ARF4: variants seen among roughly 807,000 people sequenced by gnomAD.
ARF4 encodes ARF GTPase 4.
A neutral mutation model predicts 24.3 loss-of-function variants in ARF4; 5 were observed. That is an observed-to-expected ratio of 0.21 (90% CI 0.11 to 0.43). ARF4 has a LOEUF of 0.43. Ranked by LOEUF, ARF4 falls within the 20% of genes least tolerant of loss-of-function variation. The pLI, the probability that ARF4 is intolerant of heterozygous loss-of-function variation, is 1.00. For missense variants in ARF4, 107 were observed against 213.0 expected (o/e 0.50, Z 3.10); for synonymous variants, 62 against 73.5 (o/e 0.84, Z 0.80).
rs1575784499 is a variant in ARF4, at chr3:57,584,006, A to G, written c.150T>C (p.Gly50=). The change falls in exon 3 of 6, where the codon GGT becomes GGC. Residue 50 remains glycine, a splice_region_variant and synonymous_variant. Transcript: ENST00000303436. ...GEIVTTIPTI[G]FNVETVEYKN... is the part of the protein sequence containing the mutation. ...TATATTCTACTGTTTCCACATTAAA[A>G]CCTACAAAGAAAAACAAAAATGACC... 1.2e-6 allele frequency: 2 copies of G among 1,601,544 alleles called. No individual in the cohort carries two copies. Among genetic ancestry groups the G allele is most frequent in the East Asian group, 4.5e-5 (2 of 44,792 alleles).
chr3:57,581,884 G>T (rs1193745659), intron 3 of ARF4, among the ~76,000 whole-genome samples: 1 of 152,180 alleles, frequency 6.6e-6, no homozygotes, highest in Non-Finnish European at 1.5e-5. Flanking sequence ...AACTGAAGCT[G>T]CATAATACAT....
At chr3:57,577,187 CTTAAGT>C (rs2069916438) in intron 4 of ARF4, 123 bp downstream of exon 4, 1 of 759,206 alleles carries the variant, frequency 1.3e-6, no homozygotes, top group Non-Finnish European at 2.2e-6. Flanking sequence ...AATATAGTTT[CTTAAGT>C]TTATTTCTAG....
chr3:57,576,504 C>CTTTTT (rs376750506), intron 4 of ARF4, among the ~76,000 whole-genome samples: 26 of 101,592 alleles, frequency 2.6e-4, no homozygotes, highest in African/African-American at 5.6e-4. Context: ...CTCAACCAAG[C>CTTTTT]TTTTTTTTTT....
At chr3:57,592,999 G>A (rs894437545) in intron 1 of ARF4, among the ~76,000 whole-genome samples, 5 of 152,132 alleles carry the variant, frequency 3.3e-5, no homozygotes, top group African/African-American at 1.2e-4. Context: ...GAGCCCAGGA[G>A]TTTGAGATCA....
At chr3:57,577,243 T>A in intron 4 of ARF4, 73 bp downstream of exon 4, 1 of 1,246,288 alleles carries the variant, frequency 8.0e-7, no homozygotes, top group Non-Finnish European at 1.2e-6. Flanking sequence ...ATAGTCAAAA[T>A]GTACTAAACC....
At chr3:57,574,424 TTA>T (rs961090689) in intron 5 of ARF4, among the ~76,000 whole-genome samples, 24 of 151,618 alleles carry the variant, frequency 1.6e-4, no homozygotes, top group Non-Finnish European at 3.2e-4. Context: ...TTTTTTTTTT[TTA>T]AAGAAACAGT....
chr3:57,585,570 C>T (rs976469029), intron 1 of ARF4, among the ~76,000 whole-genome samples: 1 of 151,806 alleles, frequency 6.6e-6, no homozygotes, highest in Non-Finnish European at 1.5e-5. Context: ...ACATATGTAA[C>T]AAACCTGCAC....
chr3:57,577,424 A>C, intron 3 of ARF4, 37 bp from the exon 4 acceptor site: 3 of 1,521,168 alleles, frequency 2.0e-6, no homozygotes, highest in Non-Finnish European at 1.8e-6. Flanking sequence ...TTAACAGTTA[A>C]ACGACACTCT....
intron 3 of ARF4, among the ~76,000 whole-genome samples, chr3:57,579,109 G>C (rs978791214): frequency 1.3e-5 from 2 of 151,586 alleles, no homozygotes; most frequent in Non-Finnish European, 2.9e-5. Context: ...TCAGCCTGGT[G>C]AAACCCCATC....
chr3:57,593,573 A>G (rs1360801495), intron 1 of ARF4, among the ~76,000 whole-genome samples: 1 of 152,218 alleles, frequency 6.6e-6, no homozygotes, highest in African/African-American at 2.4e-5. Flanking sequence ...TAAAAGTAAC[A>G]CTTTTTCAGC....
intron 1 of ARF4, among the ~76,000 whole-genome samples, chr3:57,587,708 G>A (rs973122244): frequency 6.6e-6 from 1 of 152,006 alleles, no homozygotes; most frequent in African/African-American, 2.4e-5. Flanking sequence ...AAAAAGGGAA[G>A]TGTTTACAAA....
intron 1 of ARF4, among the ~76,000 whole-genome samples, chr3:57,594,460 A>G (rs925957915): frequency 1.3e-5 from 2 of 152,226 alleles, no homozygotes; most frequent in African/African-American, 4.8e-5. Flanking sequence ...TATAACTAGT[A>G]CATAATTTCT....
chr3:57,572,062 G>T lies in ARF4; in HGVS notation c.*150C>A. The T allele has an allele frequency of 1.7e-6, 1 of 603,794 alleles. No homozygotes were observed. The highest frequency in any genetic ancestry group is 2.9e-6 in the Non-Finnish European group (1 of 339,464). 37.4% of individuals were successfully genotyped at this position (603,794 alleles called of 1,614,324 possible). Reference sequence around the variant, plus strand: ...ATTGCTAAATAGCAACATTATACTCGGTAAACAATAATTGGCAACAAAATA... The same window carrying T: ...ATTGCTAAATAGCAACATTATACTCTGTAAACAATAATTGGCAACAAAATA... On this transcript the variant is annotated 3_prime_UTR_variant, in exon 6 of 6. Coordinates refer to ENST00000303436, the MANE Select transcript of ARF4 (RefSeq NM_001660.4).
At chr3:57,596,174 A>G (rs1007364360) in intron 1 of ARF4, among the ~76,000 whole-genome samples, 2 of 152,180 alleles carry the variant, frequency 1.3e-5, no homozygotes, top group Admixed American at 6.5e-5. Flanking sequence ...CGCCCCCTAA[A>G]AAGTAGTTTT....
chr3:57,571,639 T>C lies in ARF4; in HGVS notation c.*573A>G, dbSNP rs188661501. On this transcript the variant is annotated 3_prime_UTR_variant, in exon 6 of 6. Coordinates refer to ENST00000303436, the MANE Select transcript of ARF4 (RefSeq NM_001660.4). ...TGCAACCAGCACAGAACTAATTGGCTATCAAATCCAAACCCCACCAAGGTT... is the reference window on the plus strand; with the variant it reads ...TGCAACCAGCACAGAACTAATTGGCCATCAAATCCAAACCCCACCAAGGTT... 2.0e-5 allele frequency: 3 copies of C among 152,988 alleles called. No individual in the cohort carries two copies. Among genetic ancestry groups the C allele is most frequent in the Non-Finnish European group, 4.4e-5 (3 of 68,196 alleles). The allele number at this position is 152,988 out of a possible 1,614,324, so 9.5% of individuals were successfully genotyped here. A position where few individuals can be genotyped will look rare whatever the true frequency, so the allele number is the denominator to read the frequency against.
At chr3:57,583,724 A>G (rs938139193) in intron 3 of ARF4, among the ~76,000 whole-genome samples, 174 bp downstream of exon 3, 26 of 152,246 alleles carry the variant, frequency 1.7e-4, no homozygotes, top group African/African-American at 5.3e-4. Flanking sequence ...TCCACCCTAT[A>G]TAAGTTAGCC....
At chr3:57,591,220 A>G (rs2070112359) in intron 1 of ARF4, among the ~76,000 whole-genome samples, 1 of 152,126 alleles carries the variant, frequency 6.6e-6, no homozygotes, top group Admixed American at 6.6e-5. Context: ...AGTATTTATC[A>G]GAGAATTTAA....
At chr3:57,572,349 A>T in intron 5 of ARF4, 51 bp from the exon 6 acceptor site, 1 of 1,336,174 alleles carries the variant, frequency 7.5e-7, no homozygotes, top group Non-Finnish European at 1.1e-6. Flanking sequence ...AATATATAAC[A>T]CCAGTGTTTA....
chr3:57,587,148 G>A (rs148219793), intron 1 of ARF4, among the ~76,000 whole-genome samples: 29 of 151,772 alleles, frequency 1.9e-4, no homozygotes, highest in African/African-American at 5.8e-4. Flanking sequence ...GTAAAATCCC[G>A]TCTCTACTAA....
Sources: gnomAD v4.1 joint callset for allele counts (sites outside exome capture counted in the v4.1 genomes callset) on GRCh38, gnomAD v4.1.1 for gene constraint, MANE v1.5 for transcripts, NCBI Gene and HGNC (gene_info 2026-07-23, HGNC 2026-07-21) for gene names.